Variants in ANO2 observed in about 807,000 individuals in gnomAD.
The protein encoded by ANO2 is anoctamin 2.
Under a neutral mutation model 124.2 loss-of-function variants are expected in ANO2, and 101 were observed. The observed-to-expected ratio is 0.81, with a 90% CI of 0.69 to 0.96. The LOEUF (loss-of-function observed/expected upper bound fraction) is 0.96, where lower values mean the gene tolerates loss of function less well. Ranked by LOEUF, ANO2 falls within the 40% of genes least tolerant of loss-of-function variation. The pLI, the probability that ANO2 is intolerant of heterozygous loss-of-function variation, is 0.00. For missense variants in ANO2, 1,293 were observed against 1,274.5 expected (o/e 1.01, Z -0.22); for synonymous variants, 486 against 482.5 (o/e 1.01, Z -0.09).
intron 1 of ANO2, among the ~76,000 whole-genome samples, chr12:5,926,060 C>T (rs957668830): frequency 4.6e-5 from 7 of 152,230 alleles, no homozygotes; most frequent in Admixed American, 1.3e-4. Flanking sequence ...TCCAAACATA[C>T]GATCTTCTCC....
intron 3 of ANO2, among the ~76,000 whole-genome samples, chr12:5,912,553 C>A (rs539569129): frequency 6.6e-6 from 1 of 152,276 alleles, no homozygotes; most frequent in East Asian, 1.9e-4. Context: ...TGGAGGCTTG[C>A]CTTGCCCCTC....
intron 4 of ANO2, among the ~76,000 whole-genome samples, chr12:5,837,961 G>A (rs982404714): frequency 2.0e-5 from 3 of 151,616 alleles, no homozygotes; most frequent in Admixed American, 2.0e-4. Flanking sequence ...TTGATAGACC[G>A]CTAGCAAGAC....
At chr12:5,803,407 C>T (rs953050586) in intron 9 of ANO2, among the ~76,000 whole-genome samples, 2 of 152,184 alleles carry the variant, frequency 1.3e-5, no homozygotes, top group Non-Finnish European at 2.9e-5. Context: ...GGGTCACTTA[C>T]TAACTATCCA....
intron 19 of ANO2, among the ~76,000 whole-genome samples, chr12:5,605,327 G>A (rs1470088588): frequency 6.6e-6 from 1 of 152,184 alleles, no homozygotes; most frequent in Non-Finnish European, 1.5e-5. Flanking sequence ...CCTGTTTTAT[G>A]TCTGGAAATA....
At chr12:5,883,504 TGTGTGTG>T (rs1565747546) in intron 3 of ANO2, among the ~76,000 whole-genome samples, 1 of 25,270 alleles carries the variant, frequency 4.0e-5, no homozygotes, top group African/African-American at 7.7e-5. Flanking sequence ...ATTAGGGTGG[TGTGTGTG>T]TGTGTGTGTG....
intron 14 of ANO2, among the ~76,000 whole-genome samples, chr12:5,654,294 G>GT (rs1354973116): frequency 6.6e-6 from 1 of 152,210 alleles, no homozygotes; most frequent in African/African-American, 2.4e-5. Flanking sequence ...CAGTTGTTTA[G>GT]AAGGCTGTTG....
intron 14 of ANO2, among the ~76,000 whole-genome samples, chr12:5,648,190 T>C (rs1371793186): frequency 6.6e-6 from 1 of 152,168 alleles, no homozygotes; most frequent in Non-Finnish European, 1.5e-5. Flanking sequence ...TTTCTTTGTT[T>C]TGTTTGAGTG....
At chr12:5,805,598 T>C (rs1953165834) in intron 9 of ANO2, among the ~76,000 whole-genome samples, 1 of 152,218 alleles carries the variant, frequency 6.6e-6, no homozygotes, top group Non-Finnish European at 1.5e-5. Context: ...AAAGCTATAA[T>C]GGCATGGATC....
At chr12:5,625,879 G>T (rs1414919392) in intron 16 of ANO2, among the ~76,000 whole-genome samples, 1 of 152,160 alleles carries the variant, frequency 6.6e-6, no homozygotes, top group Non-Finnish European at 1.5e-5. Flanking sequence ...AGAGTCCCCA[G>T]ATAAGGGAAT....
chr12:5,885,182 T>C (rs960807884), intron 3 of ANO2, among the ~76,000 whole-genome samples: 11 of 152,212 alleles, frequency 7.2e-5, no homozygotes, highest in African/African-American at 2.7e-4. Context: ...TCCTGGGGTC[T>C]GGAAGTATAA....
chr12:5,748,280 C>G (rs1951329845), intron 11 of ANO2, among the ~76,000 whole-genome samples: 1 of 152,212 alleles, frequency 6.6e-6, no homozygotes, highest in African/African-American at 2.4e-5. Flanking sequence ...CACTGGTGCC[C>G]CACCCACTGC....
chr12:5,612,895 A>G lies in ANO2; in HGVS notation c.1986+6T>C. The G allele has an allele frequency of 3.1e-6, 5 of 1,613,904 alleles. No homozygotes were observed. Among genetic ancestry groups the G allele is most frequent in the Non-Finnish European group, 4.2e-6 (5 of 1,179,824 alleles). On this transcript the variant is annotated splice_donor_region_variant and intron_variant, in intron 18 of 24. Transcript: ENST00000682330. ...CCAGGCATGAAACACCAGTGGCTGT[A>G]CTTGCCTCTTCCATGCGGTAACCAT...
intron 3 of ANO2, among the ~76,000 whole-genome samples, chr12:5,884,575 A>G (rs1018105524): frequency 2.0e-5 from 3 of 152,222 alleles, no homozygotes; most frequent in African/African-American, 7.2e-5. Context: ...AGCAGGCAAC[A>G]GTAACTGAAA....
intron 14 of ANO2, among the ~76,000 whole-genome samples, chr12:5,693,721 G>A (rs1022855554): frequency 3.3e-5 from 5 of 152,098 alleles, no homozygotes; most frequent in Non-Finnish European, 5.9e-5. Context: ...GGCTGGTCCG[G>A]CCACACTGAC....
chr12:5,664,237 A>G (rs921520772), intron 14 of ANO2, among the ~76,000 whole-genome samples: 1 of 152,064 alleles, frequency 6.6e-6, no homozygotes, highest in African/African-American at 2.4e-5. Context: ...CCATCCATCT[A>G]TCTACCCATC....
At chr12:5,739,227 A>G (rs1382773864) in intron 13 of ANO2, 90 bp downstream of exon 13, 7 of 1,202,752 alleles carry the variant, frequency 5.8e-6, no homozygotes, top group Non-Finnish European at 8.4e-6. Flanking sequence ...GCAAACATAC[A>G]TGGTTATCTC....
intron 6 of ANO2, among the ~76,000 whole-genome samples, chr12:5,828,432 G>A (rs1954056357): frequency 6.6e-6 from 1 of 152,238 alleles, no homozygotes; most frequent in Admixed American, 6.5e-5. Context: ...GCCAGACCGT[G>A]CACAGGAAAG....
intron 1 of ANO2, among the ~76,000 whole-genome samples, chr12:5,942,658 T>C (rs938098701): frequency 1.2e-4 from 19 of 152,206 alleles, no homozygotes; most frequent in Non-Finnish European, 2.6e-4. Flanking sequence ...AGCATCTCCT[T>C]GCCATGGGTT....
At chr12:5,782,486 C>T (rs191967777) in intron 10 of ANO2, among the ~76,000 whole-genome samples, 116 of 152,248 alleles carry the variant, frequency 7.6e-4, no homozygotes, top group African/African-American at 2.8e-3. Context: ...TTTTATTTTG[C>T]ACTTGTTCAG....
Sources: allele counts gnomAD v4.1 joint callset (sites outside exome capture counted in the v4.1 genomes callset), GRCh38; gene constraint gnomAD v4.1.1; transcripts MANE v1.5; gene names NCBI Gene and HGNC (gene_info 2026-07-23, HGNC 2026-07-21).